ARHGEF26: variants seen among roughly 807,000 people sequenced by gnomAD.
ARHGEF26 encodes Rho guanine nucleotide exchange factor (GEF) 26.
Under a neutral mutation model 89.4 loss-of-function variants are expected in ARHGEF26, and 59 were observed. The observed-to-expected ratio is 0.66, with a 90% CI of 0.54 to 0.82. The LOEUF is 0.82. Among genes scored for constraint, ARHGEF26 ranks in the 40% least tolerant of loss-of-function variants. The probability of loss-of-function intolerance (pLI) is 0.00; values close to 1 mark genes in which losing one functional copy is unlikely to be tolerated. For synonymous variants in ARHGEF26, 500 were observed against 428.4 expected, an observed-to-expected ratio of 1.17 and a Z score of -2.06; for missense variants, 1,234 against 1,085.6, an observed-to-expected ratio of 1.14 and a Z score of -1.92.
At chr3:154,174,928 A>G (rs357477) in intron 6 of ARHGEF26, among the ~76,000 whole-genome samples, 138,488 of 152,192 alleles carry the variant, frequency 0.91, 63,228 homozygotes, top group East Asian at 1. Context: ...CTTTTTATAA[A>G]CATTGCAAAG....
chr3:154,218,814 G>A (rs1032280057), intron 10 of ARHGEF26, among the ~76,000 whole-genome samples: 7 of 152,166 alleles, frequency 4.6e-5, no homozygotes, highest in Admixed American at 4.6e-4. Flanking sequence ...CACTGATATA[G>A]TCCAGCTACA....
chr3:154,156,566 AT>A (rs1720352917), intron 6 of ARHGEF26, among the ~76,000 whole-genome samples: 1 of 152,192 alleles, frequency 6.6e-6, no homozygotes, highest in South Asian at 2.1e-4. Context: ...CTTTTACATG[AT>A]AACTCTGTCT....
chr3:154,169,469 A>G (rs927535913), intron 6 of ARHGEF26, among the ~76,000 whole-genome samples: 4 of 151,734 alleles, frequency 2.6e-5, no homozygotes, highest in African/African-American at 4.8e-5. Context: ...TGTCCTTCTG[A>G]TGGTCGATTA....
chr3:154,219,392 C>G (rs187350635), intron 10 of ARHGEF26, among the ~76,000 whole-genome samples: 1 of 151,782 alleles, frequency 6.6e-6, no homozygotes, highest in South Asian at 2.1e-4. Context: ...GTCAGGAGTT[C>G]GAGAGCAGCC....
At position 154,122,688 on chromosome 3, in the gene ARHGEF26, C is replaced by G. The variant is rs1030997463; in HGVS notation, c.696C>G (p.Ser232=). 6.8e-6 allele frequency: 11 copies of G among 1,613,814 alleles called. No individual in the cohort carries two copies. The highest frequency in any genetic ancestry group is 2.2e-5 in the East Asian group (1 of 44,874). ...AGAACGAGCTCCTCGAGAATCCTTC[C>G]GTGGTTTTGAGTACAAACAGCCCCG... ...SQENELLENP[S]VVLSTNSPAA... The change falls in exon 2 of 15, where the codon TCC becomes TCG. Residue 232 remains serine (S), a synonymous_variant. Transcript: ENST00000465093.
chr3:154,198,879 A>T (rs1280112985), intron 9 of ARHGEF26, among the ~76,000 whole-genome samples: 2 of 152,022 alleles, frequency 1.3e-5, no homozygotes, highest in East Asian at 1.9e-4. Flanking sequence ...ATTGAAATAA[A>T]TTTTTTTATA....
At chr3:154,168,437 C>T (rs749255931) in intron 6 of ARHGEF26, among the ~76,000 whole-genome samples, 10 of 151,976 alleles carry the variant, frequency 6.6e-5, no homozygotes, top group Non-Finnish European at 1.3e-4. Flanking sequence ...ATTAGCCAGG[C>T]GTGGTGGCAC....
chr3:154,248,503 A>G (rs1402634124), intron 12 of ARHGEF26, among the ~76,000 whole-genome samples: 4 of 152,194 alleles, frequency 2.6e-5, no homozygotes, highest in South Asian at 2.1e-4. Flanking sequence ...AGGGTATAGC[A>G]TTTTTTTCCT....
chr3:154,155,946 T>C (rs1720315482), intron 6 of ARHGEF26, among the ~76,000 whole-genome samples: 1 of 152,040 alleles, frequency 6.6e-6, no homozygotes, highest in South Asian at 2.1e-4. Context: ...TGGACTTTAA[T>C]ATATTCAGAT....
At chr3:154,220,704 G>A (rs1716073733) in intron 10 of ARHGEF26, among the ~76,000 whole-genome samples, 1 of 152,012 alleles carries the variant, frequency 6.6e-6, no homozygotes, top group Non-Finnish European at 1.5e-5. Flanking sequence ...GTTCTAAGCA[G>A]GGAAGTGAAG....
rs1255070238 is a variant in ARHGEF26, at chr3:154,251,462, A to T, written c.2301-1654A>T. On this transcript the variant is annotated intron_variant, in intron 12 of 14. Coordinates refer to ENST00000465093, the MANE Select transcript of ARHGEF26 (RefSeq NM_015595.4). ...TGATGAGTTATATAATTCATTCATT[A>T]GCAGACATATACTGAGCCCCTGTTA... is the stretch of plus-strand genomic sequence containing the variant. Among the ~76,000 whole-genome samples, 3 of 152,326 alleles carry T rather than the reference A, an allele frequency of 2.0e-5. No individual in the cohort carries two copies. In the East Asian group the frequency reaches 5.8e-4, roughly 29 times the overall value.
intron 12 of ARHGEF26, among the ~76,000 whole-genome samples, chr3:154,248,215 CCTT>C (rs919197976): frequency 4.1e-4 from 63 of 152,278 alleles, no homozygotes; most frequent in African/African-American, 1.5e-3. Context: ...AATCAAATAT[CCTT>C]CTCAAAATTT....
In ARHGEF26 at chr3:154,251,800, T is replaced by C. The variant is rs560327675; in HGVS notation, c.2301-1316T>C. Among the ~76,000 whole-genome samples the C allele has an allele frequency of 2.6e-5, 4 of 152,278 alleles. No individual in the cohort carries two copies. In the South Asian group the frequency reaches 8.3e-4, roughly 32 times the overall value. On this transcript the variant is annotated intron_variant, in intron 12 of 14. Transcript: ENST00000465093. ...AAGAAGCATGGTAATAGAAATTCCA[T>C]GGTAATGGAAAACAAGAGCAGTCAC...
rs185627934 is a variant in ARHGEF26, at chr3:154,226,695, A to C, written c.2090+685A>C. Among the ~76,000 whole-genome samples, 7 of 126,088 alleles carry C rather than the reference A, an allele frequency of 5.6e-5. 1 individual carries two copies. The highest frequency in any genetic ancestry group is 8.6e-5 in the African/African-American group (3 of 34,912). The allele number at this position is 126,088 out of a possible 152,430, so 82.7% of individuals were successfully genotyped here. On this transcript the variant is annotated intron_variant, in intron 11 of 14. Coordinates refer to ENST00000465093, the MANE Select transcript of ARHGEF26 (RefSeq NM_015595.4). ...CACACACACACACACACACACACAC[A>C]CCCCTTCAGCTCTGCCTTTCTCTAG...
intron 12 of ARHGEF26, among the ~76,000 whole-genome samples, chr3:154,251,829 T>C (rs968202821): frequency 6.6e-6 from 1 of 152,210 alleles, no homozygotes; most frequent in Non-Finnish European, 1.5e-5. Context: ...CAGTCACCTT[T>C]GGACAGAGGT....
chr3:154,234,019 A>C (rs1398632714), intron 11 of ARHGEF26, among the ~76,000 whole-genome samples: 2 of 152,288 alleles, frequency 1.3e-5, no homozygotes, highest in Non-Finnish European at 2.9e-5. Context: ...AATATCAATG[A>C]TGTGATAAAT....
intron 9 of ARHGEF26, 22 bp from the exon 10 acceptor site, chr3:154,217,847 C>G (rs372666772): frequency 8.4e-5 from 131 of 1,568,680 alleles, no homozygotes; most frequent in Non-Finnish European, 1.1e-4. Context: ...CTTTAACCCT[C>G]GTTACTCTTC....
intron 7 of ARHGEF26, among the ~76,000 whole-genome samples, chr3:154,188,302 C>T (rs1032151051): frequency 1.3e-5 from 2 of 152,122 alleles, no homozygotes; most frequent in African/African-American, 4.8e-5. Flanking sequence ...GCTGATTATT[C>T]CCCCCACTTG....
chr3:154,217,831 C>T, intron 9 of ARHGEF26, 38 bp from the exon 10 acceptor site: 1 of 1,508,162 alleles, frequency 6.6e-7, no homozygotes, highest in Non-Finnish European at 9.1e-7. Context: ...GGTTTCTCTC[C>T]TTGACCTTTA....
Sources: allele counts gnomAD v4.1 joint callset (sites outside exome capture counted in the v4.1 genomes callset), GRCh38; gene constraint gnomAD v4.1.1; transcripts MANE v1.5; gene names NCBI Gene and HGNC (gene_info 2026-07-23, HGNC 2026-07-21).